Variants in KATNAL1 observed in about 807,000 individuals in gnomAD.
KATNAL1 encodes katanin catalytic subunit A1 like 1.
In KATNAL1, 32 loss-of-function variants were observed where a neutral mutation model predicts 55.2. The observed-to-expected ratio is 0.58, with a 90% CI of 0.44 to 0.78. The LOEUF is 0.78. Ranked by LOEUF, KATNAL1 falls within the 30% of genes least tolerant of loss-of-function variation. KATNAL1 has a pLI of 0.00. For synonymous variants in KATNAL1, 193 were observed against 193.6 expected, an observed-to-expected ratio of 1.00 and a Z score of 0.02; for missense variants, 466 against 600.9, an observed-to-expected ratio of 0.78 and a Z score of 2.35.
chr13:30,224,039 A>G (rs1178578057), intron 9 of KATNAL1, among the ~76,000 whole-genome samples: 3 of 152,202 alleles, frequency 2.0e-5, no homozygotes, highest in East Asian at 3.8e-4. Context: ...AAAATCAACA[A>G]TAAGATATCT....
In KATNAL1 at chr13:30,231,371, T is replaced by C. The variant is rs769687137; in HGVS notation, c.828A>G (p.Thr276=). ...ATTCACCTCTGTATTTAGATGTCAG[T>C]GTAGAAGACGAAACGTTGAAGAATG... ...GTTFFNVSSS[T]LTSKYRGESE... is the part of the protein sequence containing the mutation. Residue 276 remains threonine, a synonymous_variant, in exon 7 of 11, where the codon ACA becomes ACG. Coordinates refer to ENST00000380615, the MANE Select transcript of KATNAL1 (RefSeq NM_032116.5). 5.0e-6 allele frequency: 8 copies of C among 1,610,136 alleles called. No homozygotes were observed. Among genetic ancestry groups the C allele is most frequent in the East Asian group, 4.5e-5 (2 of 44,810 alleles).
chr13:30,297,540 A>G (rs1882593890), intron 1 of KATNAL1, among the ~76,000 whole-genome samples: 4 of 152,236 alleles, frequency 2.6e-5, no homozygotes, highest in Admixed American at 2.6e-4. Flanking sequence ...AAAACCAATC[A>G]TTCTACCAAA....
At position 30,262,584 on chromosome 13, in the gene KATNAL1, T is replaced by C. The variant is rs199696191; in HGVS notation, c.324-6969A>G. 1.0e-3 allele frequency among the ~76,000 whole-genome samples: 158 copies of C among 152,168 alleles called. 2 individuals carry two copies. The East Asian group carries it at 0.026, about 25-fold the overall frequency. On this transcript the variant is annotated intron_variant, in intron 3 of 10. Coordinates refer to ENST00000380615, the MANE Select transcript of KATNAL1 (RefSeq NM_032116.5). ...TACAAACTACCATCAGAGAATACTA[T>C]AAACACCTCTACGCAAATAAACTAG...
At chr13:30,241,587 T>C (rs952016537) in intron 4 of KATNAL1, among the ~76,000 whole-genome samples, 2 of 152,230 alleles carry the variant, frequency 1.3e-5, no homozygotes, top group African/African-American at 4.8e-5. Context: ...GAGCTTTAAA[T>C]GAAATTCACT....
At chr13:30,272,547 C>T (rs1426830250) in intron 3 of KATNAL1, among the ~76,000 whole-genome samples, 2 of 152,166 alleles carry the variant, frequency 1.3e-5, no homozygotes, top group African/African-American at 2.4e-5. Context: ...GTAAAAGTAA[C>T]GTGTTATGGC....
intron 3 of KATNAL1, among the ~76,000 whole-genome samples, chr13:30,273,190 C>A (rs1368075086): frequency 6.6e-6 from 1 of 152,248 alleles, no homozygotes; most frequent in African/African-American, 2.4e-5. Context: ...CAAACCTCAA[C>A]TACTTGTCTT....
At position 30,206,520 on chromosome 13, in the gene KATNAL1, CTAT is replaced by C. The variant is rs1210158129; in HGVS notation, c.*2017_*2019del. 1.3e-5 allele frequency: 2 copies of C among 152,032 alleles called. No homozygotes were observed. The highest frequency in any genetic ancestry group is 2.9e-5 in the Non-Finnish European group (2 of 68,008). The allele number at this position is 152,032 out of a possible 1,614,324, so 9.4% of individuals were successfully genotyped here. A position where few individuals can be genotyped will look rare whatever the true frequency, so the allele number is the denominator to read the frequency against. ...ACTGGTATTAAAAGAATCACAATTACTATGTCATTATCCATGAAGAATTCAGAA... is the reference window on the plus strand; with the variant it reads ...ACTGGTATTAAAAGAATCACAATTACGTCATTATCCATGAAGAATTCAGAA... On this transcript the variant is annotated 3_prime_UTR_variant, in exon 11 of 11. Coordinates refer to ENST00000380615, the MANE Select transcript of KATNAL1 (RefSeq NM_032116.5).
chr13:30,248,110 C>T (rs1877960524), intron 4 of KATNAL1, among the ~76,000 whole-genome samples: 2 of 152,172 alleles, frequency 1.3e-5, no homozygotes. Context: ...AGCACTCTCA[C>T]TTGGCAAGGC....
chr13:30,299,648 G>A (rs1882741173), intron 1 of KATNAL1, among the ~76,000 whole-genome samples: 1 of 152,084 alleles, frequency 6.6e-6, no homozygotes, highest in Non-Finnish European at 1.5e-5. Flanking sequence ...TTTTAGCAAT[G>A]TCTAATATTT....
At chr13:30,262,923 G>A (rs1879429422) in intron 3 of KATNAL1, among the ~76,000 whole-genome samples, 1 of 152,158 alleles carries the variant, frequency 6.6e-6, no homozygotes, top group African/African-American at 2.4e-5. Flanking sequence ...CCAAAAAAGA[G>A]AATTTCAGAC....
chr13:30,203,570 A>G lies in KATNAL1; in HGVS notation c.*4970T>C, dbSNP rs148434553. Reference sequence around the variant, plus strand: ...CCCTATTTTTTTGTGTCAAATTTCCATATGTACAAAAACCTACACACTGTT... The same window carrying G: ...CCCTATTTTTTTGTGTCAAATTTCCGTATGTACAAAAACCTACACACTGTT... On this transcript the variant is annotated 3_prime_UTR_variant, in exon 11 of 11. Coordinates refer to ENST00000380615, the MANE Select transcript of KATNAL1 (RefSeq NM_032116.5). 14 of 152,216 alleles carry G rather than the reference A, an allele frequency of 9.2e-5. 1 individual carries two copies. The East Asian group carries it at 1.2e-3, about 13-fold the overall frequency. 9.4% of individuals were successfully genotyped at this position (152,216 alleles called of 1,614,324 possible).
chr13:30,290,236 CAA>C (rs1401353837), intron 1 of KATNAL1, among the ~76,000 whole-genome samples: 2 of 151,088 alleles, frequency 1.3e-5, no homozygotes, highest in South Asian at 2.1e-4. Context: ...AACAGAAAAA[CAA>C]GAGAAAATTT....
chr13:30,211,664 A>G (rs565415135), intron 9 of KATNAL1, among the ~76,000 whole-genome samples: 2 of 152,338 alleles, frequency 1.3e-5, no homozygotes, highest in East Asian at 1.9e-4. Flanking sequence ...ATACAGCCAA[A>G]GCATTCCAAT....
At chr13:30,298,166 G>A (rs202090) in intron 1 of KATNAL1, among the ~76,000 whole-genome samples, 5 of 152,230 alleles carry the variant, frequency 3.3e-5, no homozygotes, top group Non-Finnish European at 5.9e-5. Context: ...TAGCTTTATC[G>A]CAATATTTGC....
chr13:30,285,615 G>A (rs1000395723), intron 1 of KATNAL1, among the ~76,000 whole-genome samples: 3 of 152,278 alleles, frequency 2.0e-5, no homozygotes, highest in Non-Finnish European at 2.9e-5. Flanking sequence ...GTGTGAGAAA[G>A]GACTAATACA....
intron 4 of KATNAL1, among the ~76,000 whole-genome samples, chr13:30,251,139 C>CAAA (rs34899786): frequency 0.011 from 918 of 85,814 alleles, 23 homozygotes; most frequent in African/African-American, 0.041. Flanking sequence ...GACTCTGCCT[C>CAAA]AAAAAAAAAA....
chr13:30,275,372 A>C (rs1880765135), intron 3 of KATNAL1, among the ~76,000 whole-genome samples: 1 of 152,222 alleles, frequency 6.6e-6, no homozygotes, highest in Admixed American at 6.5e-5. Flanking sequence ...AATGGTACTA[A>C]GCCATTCATG....
chr13:30,290,500 A>G (rs1042302998), intron 1 of KATNAL1, among the ~76,000 whole-genome samples: 1 of 152,232 alleles, frequency 6.6e-6, no homozygotes, highest in South Asian at 2.1e-4. Flanking sequence ...CTCCTTTATC[A>G]ATTAATGAAA....
chr13:30,220,881 A>G (rs1184436350), intron 9 of KATNAL1, among the ~76,000 whole-genome samples: 2 of 151,822 alleles, frequency 1.3e-5, no homozygotes, highest in East Asian at 3.9e-4. Context: ...TGTATGTTTA[A>G]TAGAGACAGG....
Sources: allele counts gnomAD v4.1 joint callset (sites outside exome capture counted in the v4.1 genomes callset), GRCh38; gene constraint gnomAD v4.1.1; transcripts MANE v1.5; gene names NCBI Gene and HGNC (gene_info 2026-07-23, HGNC 2026-07-21).